The following KCNN3 variants were observed in gnomAD, a reference collection of about 807,000 sequenced individuals.
KCNN3 encodes potassium calcium-activated channel subfamily N member 3, also known as small conductance calcium-activated potassium channel protein 3.
Under a neutral mutation model 62.9 loss-of-function variants are expected in KCNN3, and 16 were observed. The ratio of observed to expected loss-of-function variants is 0.25; its 90% CI spans 0.17 to 0.39. The LOEUF (loss-of-function observed/expected upper bound fraction) is 0.39, where lower values mean the gene tolerates loss of function less well. Among genes scored for constraint, KCNN3 ranks in the 10% least tolerant of loss-of-function variants. KCNN3 has a pLI of 1.00. For missense variants in KCNN3, 599 were observed against 949.4 expected, an observed-to-expected ratio of 0.63 and a Z score of 4.85; for synonymous variants, 370 against 389.2, an observed-to-expected ratio of 0.95 and a Z score of 0.58.
chr1:154,852,434 G>A (rs931287405), intron 1 of KCNN3, among the ~76,000 whole-genome samples: 3 of 149,198 alleles, frequency 2.0e-5, no homozygotes, highest in African/African-American at 7.4e-5. Context: ...GGCTGGACTC[G>A]AACTCCTGGC....
intron 5 of KCNN3, among the ~76,000 whole-genome samples, chr1:154,717,123 T>G (rs568138656): frequency 6.6e-6 from 1 of 152,318 alleles, no homozygotes; most frequent in South Asian, 2.1e-4. Context: ...GGGGCAACAC[T>G]TAACATCTAC....
chr1:154,829,707 G>A (rs1363127391), intron 1 of KCNN3, among the ~76,000 whole-genome samples: 3 of 152,284 alleles, frequency 2.0e-5, no homozygotes, highest in Middle Eastern at 3.4e-3. Context: ...GTCCTCCTGT[G>A]CCCTCCTCAG....
At chr1:154,863,087 C>T (rs1334203187) in intron 1 of KCNN3, among the ~76,000 whole-genome samples, 1 of 152,174 alleles carries the variant, frequency 6.6e-6, no homozygotes. Context: ...CTTGCCTTCC[C>T]CTCTCCTGTC....
intron 2 of KCNN3, among the ~76,000 whole-genome samples, chr1:154,792,704 C>G (rs939841167): frequency 6.6e-6 from 1 of 152,154 alleles, no homozygotes; most frequent in Non-Finnish European, 1.5e-5. Context: ...GAAGATTCCT[C>G]CCAGGGAAAT....
At chr1:154,768,737 C>T (rs537264839) in intron 3 of KCNN3, among the ~76,000 whole-genome samples, 1 of 152,264 alleles carries the variant, frequency 6.6e-6, no homozygotes, top group African/African-American at 2.4e-5. Context: ...CTGTCCCCTT[C>T]ATGTTGACAT....
At chr1:154,731,220 G>T (rs1379832920) in intron 4 of KCNN3, among the ~76,000 whole-genome samples, 2 of 152,228 alleles carry the variant, frequency 1.3e-5, no homozygotes, top group African/African-American at 2.4e-5. Context: ...ATTCCTTTCT[G>T]GTAAGAAGCG....
At chr1:154,761,151 A>AT (rs898830642) in intron 3 of KCNN3, among the ~76,000 whole-genome samples, 35 of 46,834 alleles carry the variant, frequency 7.5e-4, no homozygotes, top group African/African-American at 1.9e-3. Context: ...ATAAAAAGTA[A>AT]TAAAAAATCA....
chr1:154,814,977 G>C (rs1022680831), intron 2 of KCNN3, among the ~76,000 whole-genome samples: 1 of 152,204 alleles, frequency 6.6e-6, no homozygotes, highest in African/African-American at 2.4e-5. Context: ...CATGAAAGTG[G>C]GACAGGAGAG....
Position 154,869,254 on chromosome 1 carries a change from A to C in KCNN3, c.711T>G (p.Pro237=), listed in dbSNP as rs2101942116. ...NHAHQTLLHH[P]NATHNHQHAG... Reference sequence around the variant, plus strand: ...CATGCTGGTGGTTGTGGGTGGCATTAGGGTGATGGAGCAGGGTCTGGTGGG... The same window carrying C: ...CATGCTGGTGGTTGTGGGTGGCATTCGGGTGATGGAGCAGGGTCTGGTGGG... The change falls in exon 1 of 8, where the codon CCT becomes CCG. Residue 237 remains proline (P), a synonymous_variant. Transcript: ENST00000271915. The surrounding 1 kb of genome is among the most constrained non-coding windows in gnomAD (Gnocchi z 6.1). 6.2e-7 allele frequency: 1 copy of C among 1,613,346 alleles called. No homozygotes were observed. Among genetic ancestry groups the C allele is most frequent in the East Asian group, 2.2e-5 (1 of 44,776 alleles).
At chr1:154,757,581 A>G (rs562186901) in intron 3 of KCNN3, among the ~76,000 whole-genome samples, 57 of 152,356 alleles carry the variant, frequency 3.7e-4, no homozygotes, top group Non-Finnish European at 6.6e-4. Context: ...TTCCCAGGCC[A>G]TTATGCCTGG....
chr1:154,811,648 C>T (rs918342655), intron 2 of KCNN3, among the ~76,000 whole-genome samples: 3 of 152,166 alleles, frequency 2.0e-5, no homozygotes, highest in African/African-American at 7.2e-5. Context: ...CGGGGCAGTT[C>T]ATCTCTTTTC....
intron 1 of KCNN3, chr1:154,868,342 GA>G (rs1184245053): frequency 2.0e-6 from 2 of 987,340 alleles, no homozygotes; most frequent in Non-Finnish European, 2.4e-6. Context: ...AAGGACCACT[GA>G]TTTCCTCCAC....
At chr1:154,719,103 G>A (rs1399734272) in intron 5 of KCNN3, among the ~76,000 whole-genome samples, 3 of 152,112 alleles carry the variant, frequency 2.0e-5, no homozygotes, top group Non-Finnish European at 4.4e-5. Flanking sequence ...GGAGTACAAG[G>A]GGGATGAAAG....
rs553940534 is a variant in KCNN3, at chr1:154,702,434, T to C, written c.*5542A>G. ...ATATTAAAGCTCATCTGATTCTGAA[T>C]ATAAACACTTCAGTTTCTGAGCTTG... On this transcript the variant is annotated 3_prime_UTR_variant, in exon 8 of 8. Transcript: ENST00000271915. 1 of 151,918 alleles carries C rather than the reference T, an allele frequency of 6.6e-6. No homozygotes were observed. Among genetic ancestry groups the C allele is most frequent in the African/African-American group, 2.4e-5 (1 of 41,494 alleles). The allele number at this position is 151,918 out of a possible 1,614,324, so 9.4% of individuals were successfully genotyped here. A position where few individuals can be genotyped will look rare whatever the true frequency, so the allele number is the denominator to read the frequency against.
chr1:154,766,223 T>C (rs937736418), intron 3 of KCNN3, among the ~76,000 whole-genome samples: 1 of 151,626 alleles, frequency 6.6e-6, no homozygotes, highest in Non-Finnish European at 1.5e-5. Flanking sequence ...CTTCATCCCA[T>C]GTGGTAGGCT....
intron 1 of KCNN3, among the ~76,000 whole-genome samples, chr1:154,854,633 C>G (rs1006368138): frequency 5.3e-5 from 8 of 152,192 alleles, no homozygotes; most frequent in African/African-American, 1.9e-4. Flanking sequence ...CTACTACAGT[C>G]ATGTGTCCCA....
In KCNN3 at chr1:154,869,009, T is replaced by C. The variant is rs976302077; in HGVS notation, c.933+23A>G. On this transcript the variant is annotated intron_variant, in intron 1 of 7. Coordinates refer to ENST00000271915, the MANE Select transcript of KCNN3 (RefSeq NM_002249.6). This position sits in a 1 kb window ranked among gnomAD's most constrained non-coding sequence, Gnocchi z 6.1. ...CTACATATTCCTTTTGTTCAAGGTA[T>C]AAAGAGAAACCACAGCCCCTACCTT... is the stretch of plus-strand genomic sequence containing the variant. The C allele has an allele frequency of 1.9e-6, 3 of 1,612,280 alleles. No individual in the cohort carries two copies. Among genetic ancestry groups the C allele is most frequent in the Non-Finnish European group, 2.5e-6 (3 of 1,178,652 alleles).
At chr1:154,751,772 A>C (rs1408397404) in intron 3 of KCNN3, among the ~76,000 whole-genome samples, 1 of 152,134 alleles carries the variant, frequency 6.6e-6, no homozygotes, top group East Asian at 1.9e-4. Flanking sequence ...GGAAGCAGCC[A>C]CCACAGAAGA....
intron 2 of KCNN3, among the ~76,000 whole-genome samples, chr1:154,781,220 A>C (rs1446185112): frequency 2.0e-5 from 3 of 152,224 alleles, no homozygotes; most frequent in African/African-American, 7.2e-5. Flanking sequence ...TCAGAGAAAG[A>C]AAGCCAAGTT....
Sources: gnomAD v4.1 joint callset for allele counts (sites outside exome capture counted in the v4.1 genomes callset) on GRCh38, gnomAD v4.1.1 for gene constraint, Gnocchi (gnomAD v3.1) non-coding constraint, MANE v1.5 for transcripts, NCBI Gene and HGNC (gene_info 2026-07-23, HGNC 2026-07-21) for gene names.